ERMARD: variants seen among roughly 807,000 people sequenced by gnomAD.
ERMARD encodes the protein ER membrane associated RNA degradation.
A neutral mutation model predicts 83.9 loss-of-function variants in ERMARD; 71 were observed. That is an observed-to-expected ratio of 0.85 (90% confidence interval 0.70 to 1.03). The LOEUF (loss-of-function observed/expected upper bound fraction) is 1.03. Among genes scored for constraint, ERMARD ranks in the 50% least tolerant of loss-of-function variants. The pLI, the probability that ERMARD is intolerant of heterozygous loss-of-function variation, is 0.00. For missense variants in ERMARD, 838 were observed against 810.9 expected (o/e 1.03, Z -0.41); for synonymous variants, 284 against 298.6 (o/e 0.95, Z 0.50).
At chr6:169,765,013 C>T (rs902677497) in intron 9 of ERMARD, among the ~76,000 whole-genome samples, 15 of 152,198 alleles carry the variant, frequency 9.9e-5, no homozygotes, top group African/African-American at 2.2e-4. Context: ...ACGTTGCTGT[C>T]GCCTGCTGCC....
intron 17 of ERMARD, 116 bp from the exon 18 acceptor site, chr6:169,781,214 G>C: frequency 3.3e-6 from 3 of 903,770 alleles, no homozygotes; most frequent in Non-Finnish European, 1.6e-6. Context: ...TGAATCCTCA[G>C]ACATAAATTA....
intron 5 of ERMARD, among the ~76,000 whole-genome samples, chr6:169,758,530 C>T (rs529819629): frequency 4.6e-5 from 7 of 152,332 alleles, no homozygotes; most frequent in African/African-American, 1.2e-4. Flanking sequence ...CACACAATTG[C>T]GTGCTGCTTA....
intron 5 of ERMARD, 68 bp downstream of exon 5, chr6:169,756,876 C>G: frequency 1.4e-6 from 2 of 1,391,676 alleles, no homozygotes; most frequent in African/African-American, 1.4e-5. Flanking sequence ...AAGACATACC[C>G]AAGACTAGGA....
intron 13 of ERMARD, among the ~76,000 whole-genome samples, chr6:169,774,254 G>A (rs1012664309): frequency 3.3e-5 from 5 of 152,184 alleles, no homozygotes; most frequent in East Asian, 1.9e-4. Context: ...AGGAAAATAC[G>A]GTCAGAAGGG....
intron 9 of ERMARD, among the ~76,000 whole-genome samples, chr6:169,763,020 G>T (rs1327672862): frequency 6.6e-6 from 1 of 152,168 alleles, no homozygotes; most frequent in African/African-American, 2.4e-5. Context: ...GCCCCTCCAT[G>T]TGTGTACACA....
At chr6:169,765,107 C>G (rs1792039765) in intron 9 of ERMARD, among the ~76,000 whole-genome samples, 1 of 152,246 alleles carries the variant, frequency 6.6e-6, no homozygotes, top group African/African-American at 2.4e-5. Context: ...CCATTAGAGC[C>G]CTTGCTTCAT....
chr6:169,763,332 G>A (rs1791785516), intron 9 of ERMARD, among the ~76,000 whole-genome samples: 1 of 152,126 alleles, frequency 6.6e-6, no homozygotes, highest in Admixed American at 6.5e-5. Flanking sequence ...TTCCAGTGAT[G>A]AGGGCCAGGC....
intron 12 of ERMARD, among the ~76,000 whole-genome samples, chr6:169,772,235 G>A (rs1050026890): frequency 1.3e-5 from 2 of 152,198 alleles, no homozygotes; most frequent in Non-Finnish European, 1.5e-5. Flanking sequence ...GCCCTCGGAT[G>A]GGTTCACATC....
rs1390283926 is a variant in ERMARD, at chr6:169,769,428, C to A, written c.1060-112C>A. On this transcript the variant is annotated intron_variant, in intron 11 of 17. Coordinates refer to ENST00000366773, the MANE Select transcript of ERMARD (RefSeq NM_018341.3). ...GAGCTCTCCCCAGCAGAGTCCCACC[C>A]AGGGCTTCAGAGGACTTGATGGATG... 6.1e-6 allele frequency: 6 copies of A among 991,008 alleles called. No homozygotes were observed. In the African/African-American group the frequency reaches 8.2e-5, roughly 14 times the overall value. 61.4% of individuals were successfully genotyped at this position (991,008 alleles called of 1,614,324 possible).
At chr6:169,775,606 T>G (rs750145252) in intron 14 of ERMARD, among the ~76,000 whole-genome samples, 3 of 152,036 alleles carry the variant, frequency 2.0e-5, no homozygotes, top group Admixed American at 6.6e-5. Context: ...AGAAGTACCC[T>G]GAGTAGATAG....
intron 6 of ERMARD, 145 bp downstream of exon 6, chr6:169,759,210 T>A (rs1242811668): frequency 1.4e-6 from 1 of 718,334 alleles, no homozygotes. Context: ...TGAATATTAC[T>A]AGTGTAGTCA....
In ERMARD at chr6:169,779,354, G is replaced by A. The variant is rs942464501; in HGVS notation, c.1853+59G>A. The A allele has an allele frequency of 1.0e-5, 15 of 1,458,084 alleles. 1 individual carries two copies. The Admixed American group carries it at 1.2e-4, about 11-fold the overall frequency. 90.3% of individuals were successfully genotyped at this position (1,458,084 alleles called of 1,614,324 possible). Reference sequence around the variant, plus strand: ...GCATCGTGGGGCAGATTGCGGGTGAGCCTGTAGGAGTGAGATTGGGGCAGT... The same window carrying A: ...GCATCGTGGGGCAGATTGCGGGTGAACCTGTAGGAGTGAGATTGGGGCAGT... On this transcript the variant is annotated intron_variant, in intron 17 of 17. Transcript: ENST00000366773.
intron 10 of ERMARD, 90 bp downstream of exon 10, chr6:169,766,757 C>A: frequency 1.5e-6 from 2 of 1,332,650 alleles, no homozygotes; most frequent in Non-Finnish European, 2.0e-6. Flanking sequence ...TAAAGATCAG[C>A]CATAAATCAT....
chr6:169,765,730 T>C (rs75112667), intron 9 of ERMARD, among the ~76,000 whole-genome samples: 2,057 of 152,336 alleles, frequency 0.014, 28 homozygotes, highest in Middle Eastern at 0.058. Context: ...TATTAAACAT[T>C]TATTATTAAA....
intron 3 of ERMARD, chr6:169,755,713 C>T (rs1585344577): frequency 3.0e-6 from 1 of 331,478 alleles, no homozygotes; most frequent in South Asian, 4.4e-5. Flanking sequence ...AAATTTACTA[C>T]TCCAGAATAA....
intron 17 of ERMARD, among the ~76,000 whole-genome samples, chr6:169,781,093 G>T (rs542633331): frequency 6.6e-6 from 1 of 152,196 alleles, no homozygotes; most frequent in Non-Finnish European, 1.5e-5. Flanking sequence ...GCTTGAAAAG[G>T]TGCTTGCGTT....
chr6:169,755,392 A>T lies in ERMARD; in HGVS notation c.285A>T (p.Ala95=), dbSNP rs1187473723. The change falls in exon 3 of 18, where the codon GCA becomes GCT. Residue 95 remains alanine, a synonymous_variant. Transcript: ENST00000366773. ...LTKGQFEIRY[A]PWFQWTSFPE... ...AGGGGCAATTTGAAATTCGATATGC[A>T]CCGTGGTTCCAGTGGACAAGTTTTC... 46 of 1,614,032 alleles carry T rather than the reference A, an allele frequency of 2.9e-5. No individual in the cohort carries two copies. Among genetic ancestry groups the T allele is most frequent in the Non-Finnish European group, 3.7e-5 (44 of 1,180,036 alleles).
intron 9 of ERMARD, 87 bp from the exon 10 acceptor site, chr6:169,766,551 T>C (rs1792234442): frequency 9.2e-7 from 1 of 1,092,636 alleles, no homozygotes; most frequent in East Asian, 2.7e-5. Flanking sequence ...TGTGGCCATG[T>C]ACCAGAATTT....
chr6:169,764,064 G>C (rs894523386), intron 9 of ERMARD, among the ~76,000 whole-genome samples: 1 of 152,212 alleles, frequency 6.6e-6, no homozygotes, highest in Non-Finnish European at 1.5e-5. Flanking sequence ...AGCGTCTCGT[G>C]TTTCCCCAAC....
Sources: allele counts gnomAD v4.1 joint callset (sites outside exome capture counted in the v4.1 genomes callset), GRCh38; gene constraint gnomAD v4.1.1; transcripts MANE v1.5; gene names NCBI Gene and HGNC (gene_info 2026-07-23, HGNC 2026-07-21).